Variants in SCHIP1 observed in about 807,000 individuals in gnomAD.
The protein encoded by SCHIP1 is schwannomin interacting protein 1.
SCHIP1 carries 8 observed loss-of-function variants against 29.7 expected under a neutral mutation model. The observed-to-expected ratio is 0.27, with a 90% CI of 0.16 to 0.49. The LOEUF (loss-of-function observed/expected upper bound fraction) is 0.49. SCHIP1 is among the 20% of genes least tolerant of loss of function. SCHIP1 has a pLI of 0.99. For missense variants in SCHIP1, 193 were observed against 294.6 expected, an observed-to-expected ratio of 0.66 and a Z score of 2.52; for synonymous variants, 76 against 94.9, an observed-to-expected ratio of 0.80 and a Z score of 1.16.
chr3:159,283,787 A>C, the SCHIP1 span, among the ~76,000 whole-genome samples: 22 of 152,314 alleles, frequency 1.4e-4, 1 homozygote, highest in Admixed American at 1.4e-3. Flanking sequence ...AATAATACTA[A>C]ATTGCCTCTT....
the SCHIP1 span, among the ~76,000 whole-genome samples, chr3:159,480,498 T>A: frequency 6.6e-6 from 1 of 152,208 alleles, no homozygotes; most frequent in Non-Finnish European, 1.5e-5. Flanking sequence ...TGGCTTGGAA[T>A]AATTTAATCT....
chr3:159,492,266 G>C, the SCHIP1 span, among the ~76,000 whole-genome samples: 3 of 152,210 alleles, frequency 2.0e-5, no homozygotes, highest in Non-Finnish European at 4.4e-5. Flanking sequence ...ACTTTGACGA[G>C]TTGAGAGAAG....
chr3:159,290,291 T>C, the SCHIP1 span, among the ~76,000 whole-genome samples: 4 of 152,230 alleles, frequency 2.6e-5, no homozygotes, highest in African/African-American at 7.2e-5. Context: ...CTACTTTTCA[T>C]GTAAGAACAG....
the SCHIP1 span, among the ~76,000 whole-genome samples, chr3:159,825,128 G>A: frequency 6.6e-6 from 1 of 152,118 alleles, no homozygotes; most frequent in Non-Finnish European, 1.5e-5. Flanking sequence ...TAAGTTATTT[G>A]TTTTGCTGGG....
the SCHIP1 span, among the ~76,000 whole-genome samples, chr3:159,476,384 T>C: frequency 6.6e-6 from 1 of 152,204 alleles, no homozygotes; most frequent in Non-Finnish European, 1.5e-5. Flanking sequence ...CTTTATTTAT[T>C]CTATAATGTC....
the SCHIP1 span, among the ~76,000 whole-genome samples, chr3:159,789,670 T>G: frequency 5.9e-5 from 9 of 152,336 alleles, no homozygotes; most frequent in African/African-American, 2.2e-4. Context: ...ATTCTGCTGG[T>G]CCAGGGATCA....
the SCHIP1 span, among the ~76,000 whole-genome samples, chr3:159,814,654 G>A: frequency 2.0e-5 from 3 of 152,290 alleles, no homozygotes; most frequent in East Asian, 3.9e-4. Context: ...CCGAGCCCCC[G>A]ATGTTCTGTT....
At chr3:159,807,686 G>C in the SCHIP1 span, among the ~76,000 whole-genome samples, 2 of 152,082 alleles carry the variant, frequency 1.3e-5, no homozygotes, top group Non-Finnish European at 2.9e-5. Flanking sequence ...GAGAAATGTG[G>C]GGAAAATACA....
the SCHIP1 span, among the ~76,000 whole-genome samples, chr3:159,668,497 A>G: frequency 6.6e-6 from 1 of 152,116 alleles, no homozygotes; most frequent in Non-Finnish European, 1.5e-5. Flanking sequence ...CAAAAATTAA[A>G]AATCTTAAAA....
chr3:159,505,117 C>T, the SCHIP1 span, among the ~76,000 whole-genome samples: 1 of 152,158 alleles, frequency 6.6e-6, no homozygotes, highest in African/African-American at 2.4e-5. Context: ...GGGGTTCAGA[C>T]AGCCAGATGA....
At chr3:159,805,415 ACT>A in the SCHIP1 span, among the ~76,000 whole-genome samples, 3 of 152,172 alleles carry the variant, frequency 2.0e-5, no homozygotes, top group African/African-American at 7.2e-5. Flanking sequence ...GCTGTGACAC[ACT>A]CACACACACA....
At chr3:159,717,020 A>G in the SCHIP1 span, among the ~76,000 whole-genome samples, 4 of 152,202 alleles carry the variant, frequency 2.6e-5, no homozygotes, top group Non-Finnish European at 5.9e-5. Flanking sequence ...AAAAGAACAG[A>G]AATTATAACA....
the SCHIP1 span, among the ~76,000 whole-genome samples, chr3:159,644,353 T>C: frequency 1.3e-5 from 2 of 152,102 alleles, no homozygotes; most frequent in Non-Finnish European, 2.9e-5. Context: ...CATGTTAAAA[T>C]TGGTTTATCA....
At chr3:159,808,223 A>G in the SCHIP1 span, among the ~76,000 whole-genome samples, 8 of 152,252 alleles carry the variant, frequency 5.3e-5, no homozygotes, top group African/African-American at 1.9e-4. Context: ...CTGCTCTGTG[A>G]TATAAGTAAT....
chr3:159,577,324 T>C, the SCHIP1 span, among the ~76,000 whole-genome samples: 3 of 152,196 alleles, frequency 2.0e-5, no homozygotes, highest in African/African-American at 4.8e-5. Context: ...CTGTGCTTTA[T>C]CTTGCACAGT....
At chr3:159,489,437 A>G in the SCHIP1 span, among the ~76,000 whole-genome samples, 3 of 152,234 alleles carry the variant, frequency 2.0e-5, no homozygotes, top group African/African-American at 7.2e-5. Context: ...ATAAGGAGAT[A>G]AAAACCATCT....
the SCHIP1 span, among the ~76,000 whole-genome samples, chr3:159,392,567 GT>G: frequency 6.6e-6 from 1 of 151,490 alleles, no homozygotes; most frequent in African/African-American, 2.4e-5. Flanking sequence ...TGTTTGTTTG[GT>G]TTTTTGTTCT....
the SCHIP1 span, among the ~76,000 whole-genome samples, chr3:159,572,089 A>G: frequency 0.013 from 1,902 of 151,944 alleles, 36 homozygotes; most frequent in African/African-American, 0.043. Context: ...TCCTGGATTG[A>G]TTTTTTTGAA....
the SCHIP1 span, among the ~76,000 whole-genome samples, chr3:159,501,376 C>A: frequency 6.6e-6 from 1 of 152,220 alleles, no homozygotes; most frequent in African/African-American, 2.4e-5. Flanking sequence ...TCCTTTACAA[C>A]TCCTGCCATC....
Sources: allele counts gnomAD v4.1 joint callset (sites outside exome capture counted in the v4.1 genomes callset), GRCh38; gene constraint gnomAD v4.1.1; transcripts MANE v1.5; gene names NCBI Gene and HGNC (gene_info 2026-07-23, HGNC 2026-07-21).